NRXN1: variants seen among roughly 807,000 people sequenced by gnomAD.
The protein encoded by NRXN1 is neurexin 1, also known as neurexin-1.
Under a neutral mutation model 150.9 loss-of-function variants are expected in NRXN1, and 39 were observed. The ratio of observed to expected loss-of-function variants is 0.26; its 90% CI spans 0.20 to 0.34. The LOEUF is 0.34. NRXN1 is among the 10% of genes least tolerant of loss of function. The pLI is 1.00. For synonymous variants in NRXN1, 924 were observed against 757.0 expected (o/e 1.22, Z -3.62); for missense variants, 1,815 against 1,949.9 (o/e 0.93, Z 1.30).
chr2:50,778,361 A>T (rs1703925012), intron 5 of NRXN1, among the ~76,000 whole-genome samples: 3 of 152,234 alleles, frequency 2.0e-5, no homozygotes, highest in Admixed American at 1.3e-4. Context: ...AATATAACAT[A>T]GTAATTGTTT....
At chr2:50,501,176 A>C (rs2091919276) in intron 13 of NRXN1, among the ~76,000 whole-genome samples, 1 of 152,202 alleles carries the variant, frequency 6.6e-6, no homozygotes, top group African/African-American at 2.4e-5. Flanking sequence ...AAAGGGAATC[A>C]AGGGTGGATT....
chr2:50,590,678 C>A (rs1674029024), intron 8 of NRXN1, among the ~76,000 whole-genome samples: 1 of 152,014 alleles, frequency 6.6e-6, no homozygotes, highest in Admixed American at 6.6e-5. Context: ...AAAAGAGAGC[C>A]CAGAGAGCTC....
intron 5 of NRXN1, among the ~76,000 whole-genome samples, chr2:50,878,204 C>T (rs892634634): frequency 6.6e-6 from 1 of 151,948 alleles, no homozygotes; most frequent in Non-Finnish European, 1.5e-5. Context: ...AAAACTAATG[C>T]ATTCTAAATT....
intron 5 of NRXN1, among the ~76,000 whole-genome samples, chr2:50,897,567 A>G (rs1298752420): frequency 6.6e-6 from 1 of 152,240 alleles, no homozygotes; most frequent in African/African-American, 2.4e-5. Flanking sequence ...ATAATTTAAT[A>G]TTCCTATCAA....
In NRXN1 at chr2:50,433,037, T is replaced by A. The variant is rs540146385; in HGVS notation, c.3364+32405A>T. ...TCCCTCAGAGAAAGAATTTCCTCCT[T>A]AATAAAAAATGATACATAGAAGGAA... is the stretch of plus-strand genomic sequence containing the variant. On this transcript the variant is annotated intron_variant, in intron 17 of 22. Transcript: ENST00000401669. Among the ~76,000 whole-genome samples the A allele has an allele frequency of 3.9e-4, 60 of 152,292 alleles. No individual in the cohort carries two copies. The South Asian group carries it at 0.012, about 32-fold the overall frequency.
chr2:50,761,452 T>C (rs544826565), intron 5 of NRXN1, among the ~76,000 whole-genome samples: 2 of 152,066 alleles, frequency 1.3e-5, no homozygotes, highest in South Asian at 2.1e-4. Context: ...CCTGCTGCCA[T>C]GTAAGATGCG....
At chr2:49,932,794 A>T (rs1008504189) in intron 22 of NRXN1, among the ~76,000 whole-genome samples, 1 of 152,192 alleles carries the variant, frequency 6.6e-6, no homozygotes, top group Non-Finnish European at 1.5e-5. Flanking sequence ...GCTGTGCTAT[A>T]CATTTTACAC....
rs1704161694 is a variant in NRXN1 at position 50,780,033 on chromosome 2, T to C, written c.832+141836A>G. Among the ~76,000 whole-genome samples, 3 of 152,180 alleles carry C rather than the reference T, an allele frequency of 2.0e-5. No individual in the cohort carries two copies. In the South Asian group the frequency reaches 6.2e-4, roughly 31 times the overall value. ...TCCACATCCTCTCCAGCATCTGTTG[T>C]TTCCTGACTTTTTAATGATCTCCAT... On this transcript the variant is annotated intron_variant, in intron 5 of 22. Coordinates refer to ENST00000401669, the MANE Select transcript of NRXN1 (RefSeq NM_001330078.2).
chr2:50,766,970 A>C (rs1017497285), intron 5 of NRXN1, among the ~76,000 whole-genome samples: 1 of 152,124 alleles, frequency 6.6e-6, no homozygotes, highest in Admixed American at 6.6e-5. Context: ...TAAACATTTA[A>C]ATAAAACTAG....
chr2:49,969,730 T>G (rs1478511611), intron 21 of NRXN1: 1 of 151,990 alleles, frequency 6.6e-6, no homozygotes, highest in Non-Finnish European at 1.5e-5. Context: ...TGAGAATGGG[T>G]GCATTCAGGG....
At chr2:50,127,249 A>T (rs1245620087) in intron 18 of NRXN1, among the ~76,000 whole-genome samples, 2 of 152,138 alleles carry the variant, frequency 1.3e-5, no homozygotes, top group African/African-American at 4.8e-5. Context: ...TAAAAAGAAA[A>T]ATTAAAATAT....
chr2:50,077,683 A>G (rs1178775278), intron 19 of NRXN1, among the ~76,000 whole-genome samples: 1 of 152,090 alleles, frequency 6.6e-6, no homozygotes, highest in Non-Finnish European at 1.5e-5. Context: ...TGAAACCAAA[A>G]TATTCCTTTA....
Position 50,845,584 on chromosome 2 carries a change from A to T in NRXN1, c.832+76285T>A, listed in dbSNP as rs907772380. Among the ~76,000 whole-genome samples the T allele has an allele frequency of 4.6e-5, 7 of 152,114 alleles. No individual in the cohort carries two copies. In the East Asian group the frequency reaches 1.4e-3, roughly 29 times the overall value. ...GTTAACTCTCTGTTTTTCCCTCACAAATTTAAAGTTCAGATTAGGAACCTC... is the reference window on the plus strand; with the variant it reads ...GTTAACTCTCTGTTTTTCCCTCACATATTTAAAGTTCAGATTAGGAACCTC... On this transcript the variant is annotated intron_variant, in intron 5 of 22. Transcript: ENST00000401669.
chr2:50,525,560 T>C (rs1357138358), intron 12 of NRXN1, among the ~76,000 whole-genome samples: 3 of 152,166 alleles, frequency 2.0e-5, no homozygotes, highest in African/African-American at 4.8e-5. Context: ...TCCCAAATTG[T>C]AGATAAACAT....
At chr2:50,617,111 G>C (rs1013784095) in intron 8 of NRXN1, among the ~76,000 whole-genome samples, 1 of 152,114 alleles carries the variant, frequency 6.6e-6, no homozygotes, top group Non-Finnish European at 1.5e-5. Flanking sequence ...TAATGGTTCA[G>C]ACAGGATGGA....
intron 18 of NRXN1, among the ~76,000 whole-genome samples, chr2:50,230,183 C>A (rs544844571): frequency 1.3e-5 from 2 of 151,990 alleles, no homozygotes; most frequent in Non-Finnish European, 2.9e-5. Flanking sequence ...TGAAAACACT[C>A]ACTATTTGAA....
intron 7 of NRXN1, among the ~76,000 whole-genome samples, chr2:50,620,675 G>A (rs149524167): frequency 6.6e-6 from 1 of 152,286 alleles, no homozygotes; most frequent in African/African-American, 2.4e-5. Context: ...AAGTGCCTAA[G>A]TCCATGCCAA....
chr2:50,562,023 T>C (rs937710196), intron 8 of NRXN1, among the ~76,000 whole-genome samples: 1 of 152,196 alleles, frequency 6.6e-6, no homozygotes, highest in Non-Finnish European at 1.5e-5. Flanking sequence ...TTCAATCTCC[T>C]GCTAGTTTCA....
chr2:50,455,502 G>T (rs1466316896), intron 17 of NRXN1, among the ~76,000 whole-genome samples: 1 of 152,102 alleles, frequency 6.6e-6, no homozygotes, highest in Non-Finnish European at 1.5e-5. Flanking sequence ...AATGCTTCCA[G>T]GTTTTGATTT....
Sources: allele counts gnomAD v4.1 joint callset (sites outside exome capture counted in the v4.1 genomes callset), GRCh38; gene constraint gnomAD v4.1.1; transcripts MANE v1.5; gene names NCBI Gene and HGNC (gene_info 2026-07-23, HGNC 2026-07-21).